CDH7: variants seen among roughly 807,000 people sequenced by gnomAD.
The protein encoded by CDH7 is cadherin-7.
CDH7 carries 25 observed loss-of-function variants against 71.8 expected under a neutral mutation model. The ratio of observed to expected loss-of-function variants is 0.35; its 90% CI spans 0.25 to 0.49. The LOEUF (loss-of-function observed/expected upper bound fraction) is 0.49. Ranked by LOEUF, CDH7 falls within the 20% of genes least tolerant of loss-of-function variation. The pLI is 0.99. For missense variants in CDH7, 862 were observed against 974.6 expected (o/e 0.88, Z 1.54); for synonymous variants, 381 against 363.8 (o/e 1.05, Z -0.54).
intron 8 of CDH7, 71 bp from the exon 9 acceptor site, chr18:65,858,854 G>T: frequency 2.1e-6 from 3 of 1,448,264 alleles, no homozygotes; most frequent in Non-Finnish European, 9.5e-7. Context: ...TCTCAGCTTC[G>T]TCATTTTATT....
chr18:65,866,306 A>AC lies in CDH7; in HGVS notation c.1864+3389_1864+3390insC, dbSNP rs1185534741. 31 of 3,846 alleles carry AC rather than the reference A, an allele frequency of 8.1e-3. 7 individuals carry two copies. Among genetic ancestry groups the AC allele is most frequent in the Non-Finnish European group, 0.016 (26 of 1,602 alleles). The allele number at this position is 3,846 out of a possible 1,614,324, so 0.2% of individuals were successfully genotyped here. A position where few individuals can be genotyped will look rare whatever the true frequency, so the allele number is the denominator to read the frequency against. Reference sequence around the variant, plus strand: ...AGAGCAAGACTCCGTCTCAAAAAAAAAAAAAAAACAAAAAAAAAAAAAAAC... The same window carrying AC: ...AGAGCAAGACTCCGTCTCAAAAAAAACAAAAAAAACAAAAAAAAAAAAAAAC... On this transcript the variant is annotated intron_variant, in intron 11 of 11. Coordinates refer to ENST00000397968, the MANE Select transcript of CDH7 (RefSeq NM_004361.5).
At position 65,859,735 on chromosome 18, in the gene CDH7, A is replaced by G; in HGVS notation, c.1522A>G (p.Lys508Glu). 1.2e-6 allele frequency: 2 copies of G among 1,609,490 alleles called. No individual in the cohort carries two copies. The highest frequency in any genetic ancestry group is 1.7e-6 in the Non-Finnish European group (2 of 1,175,906). ...QVIQKISAVD[K>E]DEPSNGHQFY... ...TATCCAGAAAATCAGTGCTGTGGAT[A>G]AAGATGAGCCATCCAATGGACACCA... The change falls in exon 10 of 12, where the codon AAA (lysine) becomes GAA (glutamate). Residue 508 changes from lysine to glutamate, a missense_variant. Lys to Glu is a moderately conservative substitution (Grantham distance 56). Coordinates refer to ENST00000397968, the MANE Select transcript of CDH7 (RefSeq NM_004361.5).
intron 1 of CDH7, among the ~76,000 whole-genome samples, chr18:65,758,629 T>A (rs1916102024): frequency 6.6e-6 from 1 of 152,230 alleles, no homozygotes; most frequent in Admixed American, 6.5e-5. Context: ...CCTTGTGCAC[T>A]CTGATAGAAC....
At position 65,881,044 on chromosome 18, in the gene CDH7, GT is replaced by G; in HGVS notation, c.*153del. 1.2e-6 allele frequency: 1 copy of G among 812,560 alleles called. No individual in the cohort carries two copies. Among genetic ancestry groups the G allele is most frequent in the Admixed American group, 3.3e-5 (1 of 30,246 alleles). 50.3% of individuals were successfully genotyped at this position (812,560 alleles called of 1,614,324 possible). On this transcript the variant is annotated 3_prime_UTR_variant, in exon 12 of 12. Transcript: ENST00000397968. ...TGTAAATATTTCTCCATTTTTAATT[GT>G]TTAGATTTCTGCCTTGGTGAGGCAT...
In CDH7 at chr18:65,881,736, G is replaced by A. The variant is rs568413128; in HGVS notation, c.*842G>A. The stretch of plus-strand genomic sequence containing the variant: ...GGAGCTCCAATCTCCACTAAATTCA[G>A]GTCCATCATACTGCCTCATAGTATT... On this transcript the variant is annotated 3_prime_UTR_variant, in exon 12 of 12. Transcript: ENST00000397968. 17 of 152,062 alleles carry A rather than the reference G, an allele frequency of 1.1e-4. No homozygotes were observed. The highest frequency in any genetic ancestry group is 4.1e-4 in the African/African-American group (17 of 41,404). The allele number at this position is 152,062 out of a possible 1,614,324, so 9.4% of individuals were successfully genotyped here. A position where few individuals can be genotyped will look rare whatever the true frequency, so the allele number is the denominator to read the frequency against.
intron 2 of CDH7, among the ~76,000 whole-genome samples, chr18:65,765,687 G>A (rs942754205): frequency 2.0e-5 from 3 of 151,938 alleles, no homozygotes; most frequent in African/African-American, 7.2e-5. Context: ...AGCTATTTGG[G>A]TAATTTGGAA....
intron 6 of CDH7, among the ~76,000 whole-genome samples, chr18:65,828,787 T>C (rs1174146289): frequency 1.3e-5 from 2 of 152,180 alleles, no homozygotes; most frequent in African/African-American, 4.8e-5. Context: ...TATTAATTCA[T>C]TGAAATATGT....
intron 6 of CDH7, among the ~76,000 whole-genome samples, 199 bp from the exon 7 acceptor site, chr18:65,843,613 C>G (rs1415878890): frequency 6.6e-6 from 1 of 152,078 alleles, no homozygotes; most frequent in Non-Finnish European, 1.5e-5. Context: ...GAAGTTGATT[C>G]AAAAGCACTA....
At chr18:65,769,728 T>G (rs1916485934) in intron 2 of CDH7, among the ~76,000 whole-genome samples, 2 of 152,210 alleles carry the variant, frequency 1.3e-5, no homozygotes, top group Non-Finnish European at 2.9e-5. Context: ...TCTTGACCCA[T>G]AATTGGGTAG....
Position 65,884,692 on chromosome 18 carries a change from A to T in CDH7, c.*3798A>T, listed in dbSNP as rs1417676117. On this transcript the variant is annotated 3_prime_UTR_variant, in exon 12 of 12. Coordinates refer to ENST00000397968, the MANE Select transcript of CDH7 (RefSeq NM_004361.5). ...GTTAGCATTTATATTGAAATATAAA[A>T]TCTAAAGCAGCTTAAAATAAGCTAA... 6.6e-6 allele frequency: 1 copy of T among 152,222 alleles called. No homozygotes were observed. The highest frequency in any genetic ancestry group is 1.5e-5 in the Non-Finnish European group (1 of 68,030). The allele number at this position is 152,222 out of a possible 1,614,324, so 9.4% of individuals were successfully genotyped here.
rs965787097 is a variant in CDH7, at chr18:65,881,235, T to C, written c.*341T>C. The C allele has an allele frequency of 5.3e-6, 1 of 188,968 alleles. No individual in the cohort carries two copies. The highest frequency in any genetic ancestry group is 5.3e-5 in the Admixed American group (1 of 18,756). 11.7% of individuals were successfully genotyped at this position (188,968 alleles called of 1,614,324 possible). A position where few individuals can be genotyped will look rare whatever the true frequency, so the allele number is the denominator to read the frequency against. On this transcript the variant is annotated 3_prime_UTR_variant, in exon 12 of 12. Transcript: ENST00000397968. ...AGAAAGTAGTGCCCTGTGTTGTCAG[T>C]GAGTCAAAGATGCCCTGTACATACC...
At chr18:65,786,197 A>G (rs1347770487) in intron 2 of CDH7, among the ~76,000 whole-genome samples, 3 of 152,150 alleles carry the variant, frequency 2.0e-5, no homozygotes, top group Non-Finnish European at 4.4e-5. Flanking sequence ...AGGGAGATCA[A>G]TGAGAAAGTA....
intron 5 of CDH7, among the ~76,000 whole-genome samples, chr18:65,824,082 T>C (rs981715034): frequency 6.6e-6 from 1 of 151,038 alleles, no homozygotes; most frequent in Non-Finnish European, 1.5e-5. Flanking sequence ...TCCCAGACCA[T>C]TGTGGCCCAA....
intron 6 of CDH7, among the ~76,000 whole-genome samples, chr18:65,839,432 A>C (rs542957024): frequency 6.6e-6 from 1 of 152,178 alleles, no homozygotes; most frequent in South Asian, 2.1e-4. Context: ...ACCACTCATG[A>C]GGGATCCACA....
chr18:65,889,532 T>C lies in CDH7; in HGVS notation c.*8638T>C, dbSNP rs548119042. The C allele has an allele frequency of 8.5e-5, 13 of 152,268 alleles. No homozygotes were observed. Among genetic ancestry groups the C allele is most frequent in the African/African-American group, 2.4e-4 (10 of 41,562 alleles). The allele number at this position is 152,268 out of a possible 1,614,324, so 9.4% of individuals were successfully genotyped here. A position where few individuals can be genotyped will look rare whatever the true frequency, so the allele number is the denominator to read the frequency against. ...AGACGATAACCCACCATGAAGGAGA[T>C]GGTTCATAGAAATCTCCAAGAACTT... On this transcript the variant is annotated 3_prime_UTR_variant, in exon 12 of 12. Transcript: ENST00000397968.
At position 65,763,031 on chromosome 18, in the gene CDH7, A is replaced by C; in HGVS notation, c.189A>C (p.Ser63=). The change falls in exon 2 of 12, where the codon TCA becomes TCC. Residue 63 remains serine, a synonymous_variant. Transcript: ENST00000397968. ...TTGTGCTGGAGGAATACATGGGTTC[A>C]GACCCCCTCTATGTAGGAAAGGTAG... The part of the protein sequence containing the change: ...QFFVLEEYMG[S]DPLYVGKLHS... The C allele has an allele frequency of 6.2e-7, 1 of 1,612,514 alleles. No individual in the cohort carries two copies. Among genetic ancestry groups the C allele is most frequent in the Non-Finnish European group, 8.5e-7 (1 of 1,179,026 alleles).
chr18:65,778,790 A>C (rs1260054012), intron 2 of CDH7, among the ~76,000 whole-genome samples: 1 of 151,446 alleles, frequency 6.6e-6, no homozygotes, highest in African/African-American at 2.4e-5. Context: ...TGGTTTTCTG[A>C]AATTTTACAG....
chr18:65,753,282 GT>G (rs1419854889), intron 1 of CDH7, among the ~76,000 whole-genome samples: 2 of 152,142 alleles, frequency 1.3e-5, no homozygotes, highest in African/African-American at 4.8e-5. Flanking sequence ...ATATTTTTGT[GT>G]TGAGCAAATA....
chr18:65,807,100 C>T (rs1293947418), intron 2 of CDH7, among the ~76,000 whole-genome samples: 4 of 144,618 alleles, frequency 2.8e-5, no homozygotes, highest in African/African-American at 5.1e-5. Context: ...AGGATGTGTG[C>T]GTGGGGGTGG....
Sources: gnomAD v4.1 joint callset for allele counts (sites outside exome capture counted in the v4.1 genomes callset) on GRCh38, gnomAD v4.1.1 for gene constraint, MANE v1.5 for transcripts, NCBI Gene and HGNC (gene_info 2026-07-23, HGNC 2026-07-21) for gene names.